IRS4: variants seen among roughly 807,000 people sequenced by gnomAD.
IRS4 encodes the protein insulin receptor substrate 4.
A neutral mutation model predicts 48.6 loss-of-function variants in IRS4; 15 were observed. That is an observed-to-expected ratio of 0.31 (90% CI 0.21 to 0.48). The LOEUF (loss-of-function observed/expected upper bound fraction) is 0.48. Ranked by LOEUF, IRS4 falls within the 20% of genes least tolerant of loss-of-function variation. The pLI, the probability that IRS4 is intolerant of heterozygous loss-of-function variation, is 0.99. For synonymous variants in IRS4, 459 were observed against 413.2 expected (o/e 1.11, Z -1.34); for missense variants, 987 against 1,023.4 (o/e 0.96, Z 0.49).
At position 108,733,387 on chromosome X, in the gene IRS4, G is replaced by A. The variant is rs1270203625; in HGVS notation, c.2958C>T (p.Asn986=). The part of the protein sequence containing the change: ...SDLLRAIPRA[N]PLSLDSARWP... The stretch of plus-strand genomic sequence containing the variant: ...ACCTAGCACTGTCCAGAGATAAGGG[G>A]TTGGCACGTGGTATAGCTCTTAAAA... The change falls in exon 1 of 2, where the codon AAC becomes AAT. Residue 986 remains asparagine, a synonymous_variant. Transcript: ENST00000372129. 20 of 1,211,925 alleles carry A rather than the reference G, an allele frequency of 1.7e-5. No homozygotes were observed. Among genetic ancestry groups the A allele is most frequent in the Non-Finnish European group, 2.2e-5 (20 of 895,559 alleles).
chrX:108,733,549 A>G lies in IRS4; in HGVS notation c.2796T>C (p.Asn932=), dbSNP rs989481076. 7.4e-6 allele frequency: 9 copies of G among 1,209,772 alleles called. No individual in the cohort carries two copies. The highest frequency in any genetic ancestry group is 1.0e-5 in the Non-Finnish European group (9 of 894,730). The stretch of plus-strand genomic sequence containing the variant: ...GTCCTTGAGTAGAGGGAGCTGGTGT[A>G]TTGCTCTCTCTTTTAGTGAAGTCCA... ...VNMDFTKRES[N]TPAPSTQGLP... Residue 932 remains asparagine (N), a synonymous_variant, in exon 1 of 2, where the codon AAT becomes AAC. Transcript: ENST00000372129.
rs1199002401 is a variant in IRS4 at position 108,735,551 on chromosome X, A to G, written c.794T>C (p.Phe265Ser). ...GGCCACTTCGGTGTTCAGCCTCACA[A>G]ACACGACCTCCTCGTCGGTTAGACA... ...RLCLTDEEVV[F>S]VRLNTEVASV... The change falls in exon 1 of 2, where the codon TTT (phenylalanine) becomes TCT (serine). Residue 265 changes from phenylalanine (F) to serine (S), a missense_variant. Coordinates refer to ENST00000372129, the MANE Select transcript of IRS4 (RefSeq NM_001379150.1). The G allele has an allele frequency of 8.3e-7, 1 of 1,209,627 alleles. No individual in the cohort carries two copies.
In IRS4 at chrX:108,733,167, G is replaced by C; in HGVS notation, c.3178C>G (p.Leu1060Val). The C allele has an allele frequency of 8.3e-7, 1 of 1,210,789 alleles. No homozygotes were observed. The highest frequency in any genetic ancestry group is 3.0e-5 in the East Asian group (1 of 33,809). ...GGTTCAGAACATCGGCTGGGGGAGA[G>C]AGAAATATCCATACAGCACTCAGAA... ...PFSECCMDIS[L>V]SPSRCSEPPP... The change falls in exon 1 of 2, where the codon CTC becomes GTC. Residue 1060 changes from leucine (L) to valine (V), a missense_variant. Around this residue, in one of 4 missense-constraint regions of IRS4, gnomAD observed 720 missense variants for 660.3 expected, o/e 1.09. Transcript: ENST00000372129.
At chrX:108,722,549 G>A (rs185340307) in intron 1 of IRS4, 26 bp from the exon 2 acceptor site, 3 of 325,029 alleles carry the variant, frequency 9.2e-6, no homozygotes, top group African/African-American at 5.3e-5. Flanking sequence ...TAAAACAAAA[G>A]TTACTTGCAG....
rs759723131 is a variant in IRS4, at chrX:108,732,669, G to T, written c.3676C>A (p.Pro1226Thr). Reference sequence around the variant, plus strand: ...TCGTTGTCAGAATCTTCTCTCTCCGGGGGTCTTGGCACCCGGCGACTGCGA... The same window carrying T: ...TCGTTGTCAGAATCTTCTCTCTCCGTGGGTCTTGGCACCCGGCGACTGCGA... ...PPRSRRVPRP[P>T]EREDSDNDDD... Residue 1226 changes from proline (P) to threonine (T), a missense_variant, in exon 1 of 2, where the codon CCG becomes ACG. Around this residue, in one of 4 missense-constraint regions of IRS4, gnomAD observed 720 missense variants for 660.3 expected, o/e 1.09. Coordinates refer to ENST00000372129, the MANE Select transcript of IRS4 (RefSeq NM_001379150.1). The T allele has an allele frequency of 2.1e-5, 25 of 1,211,677 alleles. No individual in the cohort carries two copies. The Admixed American group carries it at 5.4e-4, about 26-fold the overall frequency.
chrX:108,730,129 G>A (rs937892090), intron 1 of IRS4, among the ~76,000 whole-genome samples: 9 of 111,603 alleles, frequency 8.1e-5, no homozygotes, highest in Non-Finnish European at 1.7e-4. Context: ...TGTTAGATAG[G>A]AAAATAGAGA....
chrX:108,728,870 T>C (rs1453088360), intron 1 of IRS4, among the ~76,000 whole-genome samples: 1 of 111,955 alleles, frequency 8.9e-6, no homozygotes, highest in African/African-American at 3.2e-5. Context: ...TCTGGTGTGC[T>C]TAATTAAAGT....
In IRS4 at chrX:108,735,218, C is replaced by A. The variant is rs759864957; in HGVS notation, c.1127G>T (p.Arg376Leu). The A allele has an allele frequency of 8.3e-7, 1 of 1,211,540 alleles. No homozygotes were observed. Among genetic ancestry groups the A allele is most frequent in the South Asian group, 1.8e-5 (1 of 56,973 alleles). ...LEPGGWLRRS[R>L]FEQFCHLRAI... ...CCTGAGGTGGCAAAACTGCTCAAAGCGGGACCTTCTGAGCCAGCCTCCCGG... is the reference window on the plus strand; with the variant it reads ...CCTGAGGTGGCAAAACTGCTCAAAGAGGGACCTTCTGAGCCAGCCTCCCGG... Residue 376 changes from arginine to leucine, a missense_variant, in exon 1 of 2, where the codon CGC becomes CTC. Arg to Leu is a moderately radical substitution (Grantham distance 102). Transcript: ENST00000372129.
rs1297592842 is a variant in IRS4, at chrX:108,721,353, T to G, written c.*1166A>C. The G allele has an allele frequency of 2.7e-5, 3 of 111,218 alleles. 1 individual carries two copies. Among genetic ancestry groups the G allele is most frequent in the Non-Finnish European group, 5.7e-5 (3 of 52,983 alleles). The allele number at this position is 111,218 out of a possible 1,213,427, so 9.2% of individuals were successfully genotyped here. The stretch of plus-strand genomic sequence containing the variant: ...CAGGTACCTAAAATCTTAATTCAGT[T>G]TACATCAGAGGCAAGCAAAAATAGA... On this transcript the variant is annotated 3_prime_UTR_variant, in exon 2 of 2. Coordinates refer to ENST00000372129, the MANE Select transcript of IRS4 (RefSeq NM_001379150.1).
chrX:108,729,578 A>C (rs746180023), intron 1 of IRS4, among the ~76,000 whole-genome samples: 5 of 112,167 alleles, frequency 4.5e-5, no homozygotes, highest in Admixed American at 9.4e-5. Flanking sequence ...AAATGTGAAG[A>C]CTTCATCTTT....
In IRS4 at chrX:108,733,359, G is replaced by T. The variant is rs762686177; in HGVS notation, c.2986C>A (p.Pro996Thr). ...GCACTGAGGGGAAGGGGAGGAAGTGGCCACCTAGCACTGTCCAGAGATAAG... is the reference window on the plus strand; with the variant it reads ...GCACTGAGGGGAAGGGGAGGAAGTGTCCACCTAGCACTGTCCAGAGATAAG... The part of the protein sequence containing the change: ...NPLSLDSARW[P>T]LPPLPLSATG... Residue 996 changes from proline to threonine, a missense_variant, in exon 1 of 2, where the codon CCA (proline) becomes ACA (threonine). This residue lies in a region of IRS4 where 720 missense variants were observed against 660.3 expected (regional missense o/e 1.09). Coordinates refer to ENST00000372129, the MANE Select transcript of IRS4 (RefSeq NM_001379150.1). The T allele has an allele frequency of 2.2e-5, 27 of 1,210,075 alleles. No homozygotes were observed. The Admixed American group carries it at 4.8e-4, about 22-fold the overall frequency.
Position 108,720,681 on chromosome X carries a change from A to G in IRS4, c.*1838T>C, listed in dbSNP as rs971196108. On this transcript the variant is annotated 3_prime_UTR_variant, in exon 2 of 2. Transcript: ENST00000372129. ...CAGAAGGCTTGAAAAAAAGTTGCCT[A>G]AAGAGCGCGTTGTTATAATGAACAA... 2.7e-5 allele frequency: 3 copies of G among 112,165 alleles called. No homozygotes were observed. The highest frequency in any genetic ancestry group is 5.6e-5 in the Non-Finnish European group (3 of 53,257). The allele number at this position is 112,165 out of a possible 1,213,427, so 9.2% of individuals were successfully genotyped here. A position where few individuals can be genotyped will look rare whatever the true frequency, so the allele number is the denominator to read the frequency against.
Position 108,720,894 on chromosome X carries a change from A to G in IRS4, c.*1625T>C, listed in dbSNP as rs1603333540. The stretch of plus-strand genomic sequence containing the variant: ...CCCTTTGGTTGGTAGGCAAGGAAAA[A>G]TAGAAGTCAACTCGGTTCTTTGGAA... On this transcript the variant is annotated 3_prime_UTR_variant, in exon 2 of 2. Coordinates refer to ENST00000372129, the MANE Select transcript of IRS4 (RefSeq NM_001379150.1). The G allele has an allele frequency of 8.9e-6, 1 of 112,337 alleles. No individual in the cohort carries two copies. The highest frequency in any genetic ancestry group is 9.4e-5 in the Admixed American group (1 of 10,622). The allele number at this position is 112,337 out of a possible 1,213,427, so 9.3% of individuals were successfully genotyped here.
chrX:108,733,684 C>G lies in IRS4; in HGVS notation c.2661G>C (p.Lys887Asn), dbSNP rs1303989354. The G allele has an allele frequency of 1.7e-6, 2 of 1,211,685 alleles. No individual in the cohort carries two copies. Among genetic ancestry groups the G allele is most frequent in the East Asian group, 3.0e-5 (1 of 33,847 alleles). ...SDHEPPKNKA[K>N]RPNRLSFITK... Reference sequence around the variant, plus strand: ...TAATAAAAGAAAGTCGGTTAGGTCTCTTAGCTTTATTCTTTGGGGGCTCAT... The same window carrying G: ...TAATAAAAGAAAGTCGGTTAGGTCTGTTAGCTTTATTCTTTGGGGGCTCAT... The change falls in exon 1 of 2, where the codon AAG (lysine) becomes AAC (asparagine). Residue 887 changes from lysine to asparagine, a missense_variant. By Grantham distance (94) the Lys-to-Asn change is moderately conservative (BLOSUM62 0). Transcript: ENST00000372129.
intron 1 of IRS4, chrX:108,724,944 C>T (rs1205232420): frequency 1.8e-5 from 2 of 111,882 alleles, no homozygotes; most frequent in Non-Finnish European, 3.8e-5. Context: ...CCTCAGTGGA[C>T]TCTGATGAGT....
At position 108,735,672 on chromosome X, in the gene IRS4, C is replaced by T; in HGVS notation, c.673G>A (p.Ala225Thr). The T allele has an allele frequency of 8.4e-7, 1 of 1,186,760 alleles. No homozygotes were observed. Among genetic ancestry groups the T allele is most frequent in the Non-Finnish European group, 1.1e-6 (1 of 883,924 alleles). The change falls in exon 1 of 2, where the codon GCG (alanine) becomes ACG (threonine). Residue 225 changes from alanine to threonine, a missense_variant. Ala to Thr is a moderately conservative substitution (Grantham distance 58). Coordinates refer to ENST00000372129, the MANE Select transcript of IRS4 (RefSeq NM_001379150.1). The part of the protein sequence containing the change: ...GEPAALAAAA[A>T]AEPPFYKDVW... Reference sequence around the variant, plus strand: ...TCTTTATAGAAGGGTGGCTCCGCCGCCGCTGCCGCCGCCAGCGCGGCCGGC... The same window carrying T: ...TCTTTATAGAAGGGTGGCTCCGCCGTCGCTGCCGCCGCCAGCGCGGCCGGC...
intron 1 of IRS4, chrX:108,723,556 A>G (rs1384168559): frequency 9.0e-6 from 1 of 111,729 alleles, no homozygotes; most frequent in African/African-American, 3.3e-5. Flanking sequence ...ATTAAGATTC[A>G]ATGTATAGGT....
rs1435294080 is a variant in IRS4, at chrX:108,735,145, T to G, written c.1200A>C (p.Val400=). 9 of 1,211,167 alleles carry G rather than the reference T, an allele frequency of 7.4e-6. No individual in the cohort carries two copies. Among genetic ancestry groups the G allele is most frequent in the Middle Eastern group, 2.3e-4 (1 of 4,355 alleles). The change falls in exon 1 of 2, where the codon GTA becomes GTC. Residue 400 remains valine (V), a synonymous_variant. Coordinates refer to ENST00000372129, the MANE Select transcript of IRS4 (RefSeq NM_001379150.1). ...AGTGGGCCACAGGCTCGCTGGGTGT[T>G]ACGAAGCGCCTGGTGAAAAGCATCT... ...EDEMLFTRRF[V]TPSEPVAHSR...
chrX:108,736,147 G>C lies in IRS4; in HGVS notation c.198C>G (p.Ser66=). The change falls in exon 1 of 2, where the codon TCC becomes TCG. Residue 66 remains serine (S), a synonymous_variant. Coordinates refer to ENST00000372129, the MANE Select transcript of IRS4 (RefSeq NM_001379150.1). ...LSTATGSRSD[S]ESEEEDLPVG... ...CGGGCAGGTCCTCCTCTTCGGACTCGGAGTCTGACCGGGAGCCAGTGGCCG... is the reference window on the plus strand; with the variant it reads ...CGGGCAGGTCCTCCTCTTCGGACTCCGAGTCTGACCGGGAGCCAGTGGCCG... The C allele has an allele frequency of 8.3e-7, 1 of 1,210,524 alleles. No homozygotes were observed. Among genetic ancestry groups the C allele is most frequent in the Non-Finnish European group, 1.1e-6 (1 of 895,234 alleles).
Sources: allele counts gnomAD v4.1 joint callset (sites outside exome capture counted in the v4.1 genomes callset), GRCh38; gene constraint gnomAD v4.1.1; regional missense constraint gnomAD v4.1.1; transcripts MANE v1.5; gene names NCBI Gene and HGNC (gene_info 2026-07-23, HGNC 2026-07-21).